The following AAK1 variants were observed in gnomAD, a reference collection of about 807,000 sequenced individuals.
The protein encoded by AAK1 is AP2 associated kinase 1.
Under a neutral mutation model 116.0 loss-of-function variants are expected in AAK1, and 37 were observed. The observed-to-expected ratio is 0.32, with a 90% confidence interval of 0.25 to 0.42. The LOEUF (loss-of-function observed/expected upper bound fraction) is 0.42. Ranked by LOEUF, AAK1 falls within the 10% of genes least tolerant of loss-of-function variation. The pLI is 1.00. For missense variants in AAK1, 919 were observed against 1,170.6 expected (o/e 0.79, Z 3.14); for synonymous variants, 458 against 439.9 (o/e 1.04, Z -0.51).
At chr2:69,478,926 G>A in intron 20 of AAK1, 25 bp downstream of exon 20, 1 of 1,545,474 alleles carries the variant, frequency 6.5e-7, no homozygotes, top group East Asian at 2.2e-5. Flanking sequence ...GACACATGTG[G>A]GCCTGAGAAG....
rs1165453182 is a variant in AAK1 at position 69,472,892 on chromosome 2, C to A, written c.*2977G>T. On this transcript the variant is annotated 3_prime_UTR_variant, in exon 22 of 22. Coordinates refer to ENST00000409085, the MANE Select transcript of AAK1 (RefSeq NM_014911.5). ...AAAATCTCTAAGATTATGATTTAGG[C>A]TTCTATTCAGATAATCAAGAAAGAG... is the stretch of plus-strand genomic sequence containing the variant. The A allele has an allele frequency of 3.0e-6, 3 of 985,562 alleles. No homozygotes were observed. The highest frequency in any genetic ancestry group is 3.6e-6 in the Non-Finnish European group (3 of 829,814). 61.1% of individuals were successfully genotyped at this position (985,562 alleles called of 1,614,324 possible). A position where few individuals can be genotyped will look rare whatever the true frequency, so the allele number is the denominator to read the frequency against.
intron 2 of AAK1, among the ~76,000 whole-genome samples, chr2:69,561,278 T>C (rs1671623404): frequency 6.6e-6 from 1 of 152,226 alleles, no homozygotes; most frequent in Non-Finnish European, 1.5e-5. Flanking sequence ...AAAGATGATT[T>C]GCAAATGAAT....
intron 16 of AAK1, chr2:69,499,777 G>A (rs1675900409): frequency 6.6e-6 from 1 of 152,120 alleles, no homozygotes; most frequent in African/African-American, 2.4e-5. Flanking sequence ...TGAATATACG[G>A]TGTAAGTCAT....
At position 69,530,661 on chromosome 2, in the gene AAK1, G is replaced by A. The variant is rs371249536; in HGVS notation, c.702C>T (p.Tyr234=). 6 of 1,613,636 alleles carry A rather than the reference G, an allele frequency of 3.7e-6. No homozygotes were observed. In the African/African-American group the frequency reaches 4.0e-5, roughly 11 times the overall value. The change falls in exon 7 of 22, where the codon TAC becomes TAT. Residue 234 remains tyrosine (Y), a synonymous_variant. Coordinates refer to ENST00000409085, the MANE Select transcript of AAK1 (RefSeq NM_014911.5). ...CCTTCGTAGTGATGATTTTGCCACTGTACAGGTTGACCATTTCTGGTGCTC... is the reference window on the plus strand; with the variant it reads ...CCTTCGTAGTGATGATTTTGCCACTATACAGGTTGACCATTTCTGGTGCTC... The part of the protein sequence containing the change: ...SYRAPEMVNL[Y]SGKIITTKAD...
chr2:69,472,257 G>T lies in AAK1; in HGVS notation c.*3612C>A. 1.3e-6 allele frequency: 1 copy of T among 779,986 alleles called. No individual in the cohort carries two copies. Among genetic ancestry groups the T allele is most frequent in the Non-Finnish European group, 1.6e-6 (1 of 642,666 alleles). The allele number at this position is 779,986 out of a possible 1,614,324, so 48.3% of individuals were successfully genotyped here. A position where few individuals can be genotyped will look rare whatever the true frequency, so the allele number is the denominator to read the frequency against. ...CTCTTCATCTTACAGGGTTGAATTT[G>T]CTTTCTGGAAATGGCTAAATGTTAC... is the stretch of plus-strand genomic sequence containing the variant. On this transcript the variant is annotated 3_prime_UTR_variant, in exon 22 of 22. Transcript: ENST00000409085.
At chr2:69,632,694 C>T (rs962371891) in intron 2 of AAK1, among the ~76,000 whole-genome samples, 2 of 152,080 alleles carry the variant, frequency 1.3e-5, no homozygotes, top group South Asian at 2.1e-4. Flanking sequence ...GTCAGGAGAT[C>T]GAGACCATCC....
chr2:69,533,800 C>T (rs1670353475), intron 5 of AAK1, among the ~76,000 whole-genome samples: 1 of 152,296 alleles, frequency 6.6e-6, no homozygotes, highest in East Asian at 1.9e-4. Flanking sequence ...GTTTGAACTA[C>T]AGCCATCAAC....
At position 69,465,443 on chromosome 2, in the gene AAK1, T is replaced by C. The variant is rs774875210; in HGVS notation, c.*10426A>G. 3 of 1,288,674 alleles carry C rather than the reference T, an allele frequency of 2.3e-6. No individual in the cohort carries two copies. The highest frequency in any genetic ancestry group is 3.0e-6 in the Non-Finnish European group (3 of 987,390). The allele number at this position is 1,288,674 out of a possible 1,614,324, so 79.8% of individuals were successfully genotyped here. On this transcript the variant is annotated 3_prime_UTR_variant, in exon 22 of 22. Coordinates refer to ENST00000409085, the MANE Select transcript of AAK1 (RefSeq NM_014911.5). ...TTTGCTCCTAGGGTTTCTTGCCTGA[T>C]TTTGAAGGGAAGGGTGCTAGAGCAA...
chr2:69,479,018 G>C lies in AAK1; in HGVS notation c.2613C>G (p.Leu871=), dbSNP rs1270040610. 1 of 1,613,952 alleles carries C rather than the reference G, an allele frequency of 6.2e-7. No individual in the cohort carries two copies. Among genetic ancestry groups the C allele is most frequent in the Non-Finnish European group, 8.5e-7 (1 of 1,179,824 alleles). The stretch of plus-strand genomic sequence containing the variant: ...CCAGAAGGTCAGTAGTAGGGTTAGA[G>C]AGCAGAGAGCAATCAAGCAGGGAAT... ...GEDSLLDCSL[L]SNPTTDLLEE... The change falls in exon 20 of 22, where the codon CTC becomes CTG. Residue 871 remains leucine (L), a synonymous_variant. Transcript: ENST00000409085.
chr2:69,559,557 T>A (rs1671544402), intron 2 of AAK1, among the ~76,000 whole-genome samples: 1 of 152,234 alleles, frequency 6.6e-6, no homozygotes, highest in Non-Finnish European at 1.5e-5. Context: ...ACTTCATTGA[T>A]ATTTAGAATT....
chr2:69,490,288 C>G (rs1675470620), intron 17 of AAK1, among the ~76,000 whole-genome samples: 1 of 152,156 alleles, frequency 6.6e-6, no homozygotes, highest in South Asian at 2.1e-4. Context: ...AGCATATGAT[C>G]CAGCAATTCC....
At chr2:69,482,849 G>A in intron 17 of AAK1, 37 bp from the exon 18 acceptor site, 3 of 1,347,446 alleles carry the variant, frequency 2.2e-6, no homozygotes, top group Non-Finnish European at 3.2e-6. Context: ...AAGCAAAAAT[G>A]TAGTAAGATA....
At position 69,643,357 on chromosome 2, in the gene AAK1, C is replaced by A. The variant is rs183096792; in HGVS notation, c.-234-83G>T. On this transcript the variant is annotated intron_variant, in intron 1 of 21. Coordinates refer to ENST00000409085, the MANE Select transcript of AAK1 (RefSeq NM_014911.5). ...CGCTGAGTCCTAGGGGGAGCAAAAG[C>A]CATCATCCTGGGGAAACGCTTCATG... 3.3e-6 allele frequency: 4 copies of A among 1,207,996 alleles called. No homozygotes were observed. The African/African-American group carries it at 6.3e-5, about 19-fold the overall frequency. 74.8% of individuals were successfully genotyped at this position (1,207,996 alleles called of 1,614,324 possible).
chr2:69,536,932 G>A (rs763730935), intron 5 of AAK1, among the ~76,000 whole-genome samples: 5 of 152,176 alleles, frequency 3.3e-5, no homozygotes, highest in Non-Finnish European at 7.3e-5. Flanking sequence ...TCTAACAAAG[G>A]AGACATCTAT....
intron 2 of AAK1, among the ~76,000 whole-genome samples, chr2:69,608,728 C>T (rs1004920081): frequency 1.3e-5 from 2 of 152,106 alleles, no homozygotes; most frequent in African/African-American, 2.4e-5. Flanking sequence ...AGAGAAAGAA[C>T]ATGGCATATT....
chr2:69,594,762 C>T, intron 2 of AAK1: 2 of 912,984 alleles, frequency 2.2e-6, no homozygotes, highest in South Asian at 1.3e-5. Flanking sequence ...TCACTTAGCC[C>T]TTTCTCTTCT....
intron 16 of AAK1, among the ~76,000 whole-genome samples, chr2:69,499,388 C>T (rs1317989174): frequency 6.6e-6 from 1 of 152,206 alleles, no homozygotes; most frequent in East Asian, 1.9e-4. Flanking sequence ...CTTTAAAGCA[C>T]TCCCTTCTGG....
At chr2:69,602,295 C>T (rs1673614512) in intron 2 of AAK1, among the ~76,000 whole-genome samples, 1 of 152,064 alleles carries the variant, frequency 6.6e-6, no homozygotes, top group African/African-American at 2.4e-5. Context: ...TTAGTAAAAT[C>T]TGAATAAACA....
In AAK1 at chr2:69,505,157, A is replaced by C. The variant is rs553696406; in HGVS notation, c.2269+412T>G. 4.0e-3 allele frequency among the ~76,000 whole-genome samples: 603 copies of C among 149,916 alleles called. 2 individuals carry two copies. Among genetic ancestry groups the C allele is most frequent in the African/African-American group, 0.014 (574 of 40,826 alleles). On this transcript the variant is annotated intron_variant, in intron 16 of 21. Transcript: ENST00000409085. ...CACCCACACACACACACACACACAC[A>C]GTTTAGAGGAGTGTTAGCTATAACA... is the stretch of plus-strand genomic sequence containing the variant.
Sources: allele counts gnomAD v4.1 joint callset (sites outside exome capture counted in the v4.1 genomes callset), GRCh38; gene constraint gnomAD v4.1.1; transcripts MANE v1.5; gene names NCBI Gene and HGNC (gene_info 2026-07-23, HGNC 2026-07-21).